PDE7A: variants seen among roughly 807,000 people sequenced by gnomAD.
The protein encoded by PDE7A is high affinity 3',5'-cyclic-AMP phosphodiesterase 7A.
Under a neutral mutation model 64.3 loss-of-function variants are expected in PDE7A, and 39 were observed. The observed-to-expected ratio is 0.61, with a 90% confidence interval of 0.47 to 0.79. The LOEUF (loss-of-function observed/expected upper bound fraction) is 0.79. Ranked by LOEUF, PDE7A falls within the 30% of genes least tolerant of loss-of-function variation. The pLI, the probability that PDE7A is intolerant of heterozygous loss-of-function variation, is 0.00. For synonymous variants in PDE7A, 203 were observed against 206.8 expected (o/e 0.98, Z 0.16); for missense variants, 470 against 582.8 (o/e 0.81, Z 1.99).
At chr8:65,783,462 T>C (rs145150617) in intron 1 of PDE7A, among the ~76,000 whole-genome samples, 1 of 152,338 alleles carries the variant, frequency 6.6e-6, no homozygotes, top group East Asian at 1.9e-4. Flanking sequence ...CCTTTCCAAG[T>C]GCTGTTCCCT....
At chr8:65,767,289 T>C (rs540263831) in intron 3 of PDE7A, among the ~76,000 whole-genome samples, 2 of 152,346 alleles carry the variant, frequency 1.3e-5, no homozygotes, top group South Asian at 4.1e-4. Context: ...TATGGATTAG[T>C]TGTCATGATA....
intron 1 of PDE7A, among the ~76,000 whole-genome samples, chr8:65,809,881 A>C (rs1336113733): frequency 6.6e-6 from 1 of 152,164 alleles, no homozygotes; most frequent in Non-Finnish European, 1.5e-5. Context: ...AAATAGGAAC[A>C]CTTTTACACT....
chr8:65,753,046 T>A (rs1395162988), intron 3 of PDE7A, among the ~76,000 whole-genome samples: 1 of 152,202 alleles, frequency 6.6e-6, no homozygotes. Context: ...AATTTGTGCT[T>A]TATGGTAAAG....
chr8:65,836,492 A>C (rs1322555268), intron 1 of PDE7A, among the ~76,000 whole-genome samples: 1 of 152,218 alleles, frequency 6.6e-6, no homozygotes, highest in East Asian at 1.9e-4. Context: ...CAAAGGATAG[A>C]TCCTTTTGTG....
chr8:65,739,677 G>T (rs992942581), intron 5 of PDE7A, 80 bp from the exon 6 acceptor site: 2 of 1,263,440 alleles, frequency 1.6e-6, no homozygotes, highest in Non-Finnish European at 2.0e-6. Context: ...TACAGATTTT[G>T]AATATAAAAC....
Position 65,718,495 on chromosome 8 carries a change from A to T in PDE7A, c.*795T>A, listed in dbSNP as rs1434190782. On this transcript the variant is annotated 3_prime_UTR_variant, in exon 13 of 13. Transcript: ENST00000401827. ...TGTACAGTAGTGAAAACAACATGCA[A>T]TGTCTTCACTGCAGAATCATAATAC... is the stretch of plus-strand genomic sequence containing the variant. 6.6e-6 allele frequency: 1 copy of T among 152,374 alleles called. No individual in the cohort carries two copies. Among genetic ancestry groups the T allele is most frequent in the African/African-American group, 2.4e-5 (1 of 41,582 alleles). The allele number at this position is 152,374 out of a possible 1,614,324, so 9.4% of individuals were successfully genotyped here.
At chr8:65,812,870 T>C (rs1001667109) in intron 1 of PDE7A, among the ~76,000 whole-genome samples, 1 of 152,166 alleles carries the variant, frequency 6.6e-6, no homozygotes, top group Admixed American at 6.5e-5. Flanking sequence ...TCACTGCCAG[T>C]AAGGGTATGG....
chr8:65,804,288 A>G (rs1810061307), intron 1 of PDE7A, among the ~76,000 whole-genome samples: 1 of 152,176 alleles, frequency 6.6e-6, no homozygotes, highest in Admixed American at 6.5e-5. Flanking sequence ...ATAGTTACTC[A>G]TGATTTCCTG....
intron 1 of PDE7A, among the ~76,000 whole-genome samples, chr8:65,808,562 C>T (rs1215484644): frequency 6.6e-6 from 1 of 152,060 alleles, no homozygotes; most frequent in Non-Finnish European, 1.5e-5. Flanking sequence ...TCGAGCTAAA[C>T]ACCAATGTGT....
rs991512547 is a variant in PDE7A, at chr8:65,782,974, T to A, written c.139-131A>T. The A allele has an allele frequency of 3.5e-5, 21 of 605,904 alleles. No individual in the cohort carries two copies. The East Asian group carries it at 6.2e-4, about 18-fold the overall frequency. The allele number at this position is 605,904 out of a possible 1,614,324, so 37.5% of individuals were successfully genotyped here. A position where few individuals can be genotyped will look rare whatever the true frequency, so the allele number is the denominator to read the frequency against. On this transcript the variant is annotated intron_variant, in intron 1 of 12. Coordinates refer to ENST00000401827, the MANE Select transcript of PDE7A (RefSeq NM_001242318.3). The stretch of plus-strand genomic sequence containing the variant: ...GAGAAGTTGGATACACAAAATGAAA[T>A]TAGCTATGGTACCTGTTCTTGAAAT...
At chr8:65,805,140 C>T (rs1255346275) in intron 1 of PDE7A, among the ~76,000 whole-genome samples, 2 of 152,138 alleles carry the variant, frequency 1.3e-5, no homozygotes, top group Non-Finnish European at 2.9e-5. Context: ...CTGTGCCCAG[C>T]CAAAGCTGAA....
intron 1 of PDE7A, among the ~76,000 whole-genome samples, chr8:65,814,510 C>CAAAA (rs140450405): frequency 1.1e-4 from 8 of 71,032 alleles, no homozygotes; most frequent in East Asian, 4.6e-4. Context: ...GACTCCGTCT[C>CAAAA]AAAAAAAAAA....
At chr8:65,725,756 T>C (rs1475235125) in intron 9 of PDE7A, among the ~76,000 whole-genome samples, 5 of 152,182 alleles carry the variant, frequency 3.3e-5, no homozygotes, top group Non-Finnish European at 7.4e-5. Flanking sequence ...TAGTATTCCT[T>C]ATTTCCATTT....
At chr8:65,719,833 C>G (rs746994882) in intron 12 of PDE7A, 2 of 286,716 alleles carry the variant, frequency 7.0e-6, no homozygotes, top group Non-Finnish European at 6.8e-6. Context: ...CGGGCATAGC[C>G]CAATTCGAGG....
At chr8:65,788,048 T>G (rs191758851) in intron 1 of PDE7A, among the ~76,000 whole-genome samples, 1 of 152,278 alleles carries the variant, frequency 6.6e-6, no homozygotes, top group East Asian at 1.9e-4. Context: ...AAACATTATG[T>G]TTAAACGTGG....
rs1807361874 is a variant in PDE7A at position 65,740,398 on chromosome 8, G to C, written c.500-801C>G. 2.6e-5 allele frequency among the ~76,000 whole-genome samples: 4 copies of C among 151,990 alleles called. No homozygotes were observed. In the South Asian group the frequency reaches 8.3e-4, roughly 32 times the overall value. ...TCACAGAAATAATACAAGCCCTCAA[G>C]TTTCCTTTTCTTTCTTTTTTGAGAT... On this transcript the variant is annotated intron_variant, in intron 5 of 12. Transcript: ENST00000401827.
Position 65,719,276 on chromosome 8 carries a change from A to T in PDE7A, c.*14T>A. On this transcript the variant is annotated 3_prime_UTR_variant, in exon 13 of 13. Coordinates refer to ENST00000401827, the MANE Select transcript of PDE7A (RefSeq NM_001242318.3). ...AAACCTCCAGGAGGCAGTTTGTCCC[A>T]CTGGTTCTGGGGGTTATGATAACCG... The T allele has an allele frequency of 6.3e-7, 1 of 1,594,404 alleles. No homozygotes were observed. Among genetic ancestry groups the T allele is most frequent in the Admixed American group, 1.7e-5 (1 of 59,988 alleles).
At chr8:65,838,406 A>G (rs1811000409) in intron 1 of PDE7A, 1 of 152,244 alleles carries the variant, frequency 6.6e-6, no homozygotes, top group African/African-American at 2.4e-5. Context: ...CTAATTCAAA[A>G]AACTCACATT....
chr8:65,809,129 C>G (rs1563515602), intron 1 of PDE7A, among the ~76,000 whole-genome samples: 4 of 152,166 alleles, frequency 2.6e-5, no homozygotes, highest in Non-Finnish European at 5.9e-5. Context: ...TCTCTCTGAA[C>G]CTAAATCTTC....
Sources: allele counts gnomAD v4.1 joint callset (sites outside exome capture counted in the v4.1 genomes callset), GRCh38; gene constraint gnomAD v4.1.1; transcripts MANE v1.5; gene names NCBI Gene and HGNC (gene_info 2026-07-23, HGNC 2026-07-21).